PACRG: variants seen among roughly 807,000 people sequenced by gnomAD.
PACRG encodes the protein parkin coregulated gene protein.
Under a neutral mutation model 29.7 loss-of-function variants are expected in PACRG, and 29 were observed. That is an observed-to-expected ratio of 0.98 (90% CI 0.73 to 1.33). PACRG has a LOEUF of 1.33. Ranked by LOEUF, PACRG falls within the 40% of genes most tolerant of loss-of-function variation. PACRG has a pLI of 0.00. For missense variants in PACRG, 279 were observed against 316.2 expected (o/e 0.88, Z 0.89); for synonymous variants, 116 against 118.7 (o/e 0.98, Z 0.15).
intron 4 of PACRG, among the ~76,000 whole-genome samples, chr6:163,231,077 CA>C (rs1192037651): frequency 6.6e-6 from 1 of 152,190 alleles, no homozygotes; most frequent in Admixed American, 6.5e-5. Context: ...GTGGAGACCC[CA>C]AACAGGGGCT....
intron 4 of PACRG, chr6:163,191,090 A>G: frequency 2.5e-6 from 1 of 402,066 alleles, no homozygotes; most frequent in Non-Finnish European, 4.9e-6. Flanking sequence ...TGTTACTTAG[A>G]TTCAAGTTAA....
At chr6:163,303,303 G>A (rs975935306) in intron 4 of PACRG, among the ~76,000 whole-genome samples, 1 of 152,010 alleles carries the variant, frequency 6.6e-6, no homozygotes, top group Admixed American at 6.5e-5. Context: ...TAGCCTGGGT[G>A]ACAGCGTGAG....
chr6:163,073,602 A>G (rs552173365), intron 3 of PACRG, among the ~76,000 whole-genome samples: 13 of 152,324 alleles, frequency 8.5e-5, no homozygotes, highest in African/African-American at 3.1e-4. Flanking sequence ...CAAGTTATAA[A>G]CCTTTTGCAT....
Position 162,814,218 on chromosome 6 carries a change from T to C in PACRG, c.228T>C (p.Tyr76=). The change falls in exon 2 of 5, where the codon TAT becomes TAC. Residue 76 remains tyrosine (Y), a synonymous_variant. Transcript: ENST00000366888. The part of the protein sequence containing the change: ...PTKPTAFRKF[Y]ERGDFPIALE... ...AGCCCACAGCATTTCGAAAATTCTATGAGCGAGGTGACTTCCCAATTGCCC... is the reference window on the plus strand; with the variant it reads ...AGCCCACAGCATTTCGAAAATTCTACGAGCGAGGTGACTTCCCAATTGCCC... The C allele has an allele frequency of 1.2e-6, 2 of 1,613,988 alleles. No individual in the cohort carries two copies. The highest frequency in any genetic ancestry group is 1.7e-6 in the Non-Finnish European group (2 of 1,179,938).
At chr6:163,259,788 G>T (rs1218906777) in intron 4 of PACRG, among the ~76,000 whole-genome samples, 1 of 152,054 alleles carries the variant, frequency 6.6e-6, no homozygotes, top group Non-Finnish European at 1.5e-5. Flanking sequence ...CCCTTTCCTT[G>T]CCTTCTCCAG....
At chr6:163,202,334 G>T (rs1780734745) in intron 4 of PACRG, among the ~76,000 whole-genome samples, 1 of 151,840 alleles carries the variant, frequency 6.6e-6, no homozygotes, top group Admixed American at 6.5e-5. Context: ...TGCCTTTGCT[G>T]CTATGAAATA....
chr6:162,899,558 T>C (rs1795409167), intron 2 of PACRG, among the ~76,000 whole-genome samples: 1 of 152,178 alleles, frequency 6.6e-6, no homozygotes, highest in South Asian at 2.1e-4. Context: ...GGCAGGAAGC[T>C]GTCCTTCCAT....
chr6:162,756,066 AT>A (rs1781893945), intron 1 of PACRG, among the ~76,000 whole-genome samples: 1 of 152,144 alleles, frequency 6.6e-6, no homozygotes, highest in Non-Finnish European at 1.5e-5. Flanking sequence ...GTGGCCTAAC[AT>A]GGTCTATCCT....
In PACRG at chr6:162,728,071, C is replaced by T. The variant is rs1779413112; in HGVS notation, c.-165C>T. On this transcript the variant is annotated 5_prime_UTR_variant, in exon 1 of 5. Transcript: ENST00000366888. ...CGCCCCTAGGGTCCAGCTCCCTTCA[C>T]CTAGGAGCTGCCAAACATCTGGATC... 3 of 840,842 alleles carry T rather than the reference C, an allele frequency of 3.6e-6. No homozygotes were observed. Among genetic ancestry groups the T allele is most frequent in the Non-Finnish European group, 5.6e-6 (3 of 532,302 alleles). The allele number at this position is 840,842 out of a possible 1,614,324, so 52.1% of individuals were successfully genotyped here. A position where few individuals can be genotyped will look rare whatever the true frequency, so the allele number is the denominator to read the frequency against.
chr6:163,137,262 T>A (rs1816972622), intron 4 of PACRG, among the ~76,000 whole-genome samples: 1 of 152,096 alleles, frequency 6.6e-6, no homozygotes, highest in Non-Finnish European at 1.5e-5. Context: ...ACTTTGGAGA[T>A]GAATTTAAAT....
chr6:162,966,276 A>G (rs575442525), intron 2 of PACRG, among the ~76,000 whole-genome samples: 1 of 152,292 alleles, frequency 6.6e-6, no homozygotes, highest in Non-Finnish European at 1.5e-5. Context: ...GCCCCATGGC[A>G]CTTGGTGCCT....
At chr6:163,292,706 G>A (rs1784658649) in intron 4 of PACRG, among the ~76,000 whole-genome samples, 1 of 152,088 alleles carries the variant, frequency 6.6e-6, no homozygotes, top group African/African-American at 2.4e-5. Context: ...TTACAGGTGT[G>A]AGCCACCATG....
At chr6:162,917,889 G>A (rs947134542) in intron 2 of PACRG, among the ~76,000 whole-genome samples, 3 of 152,152 alleles carry the variant, frequency 2.0e-5, no homozygotes, top group African/African-American at 7.2e-5. Flanking sequence ...TTTCACTCAT[G>A]TCTATGTCAT....
chr6:162,836,115 T>C (rs1789200711), intron 2 of PACRG, among the ~76,000 whole-genome samples: 1 of 152,178 alleles, frequency 6.6e-6, no homozygotes. Flanking sequence ...ATGATTTTTA[T>C]ATATTTTTTA....
chr6:162,792,626 C>A (rs187582874), intron 1 of PACRG, among the ~76,000 whole-genome samples: 2 of 152,158 alleles, frequency 1.3e-5, no homozygotes, highest in East Asian at 3.9e-4. Flanking sequence ...GTCTCTAGTC[C>A]CAGTGTTATA....
upstream of PACRG, chr6:162,727,822 G>A: frequency 1.4e-6 from 1 of 734,386 alleles, no homozygotes; most frequent in Non-Finnish European, 2.2e-6. Context: ...CGGAGGGCGC[G>A]GCCCAGGGCC....
chr6:162,737,230 A>G (rs976775289), intron 1 of PACRG, among the ~76,000 whole-genome samples: 4 of 152,076 alleles, frequency 2.6e-5, no homozygotes, highest in African/African-American at 9.7e-5. Flanking sequence ...GCCAGTGTTG[A>G]GGGTCAGGAT....
chr6:162,997,572 C>A, intron 2 of PACRG: 1 of 332,964 alleles, frequency 3.0e-6, no homozygotes, highest in Non-Finnish European at 5.9e-6. Context: ...TAACAGACTT[C>A]ATAAAAGAGG....
chr6:163,243,849 A>C (rs1449189333), intron 4 of PACRG, among the ~76,000 whole-genome samples: 2 of 126,256 alleles, frequency 1.6e-5, no homozygotes, highest in Non-Finnish European at 3.2e-5. Context: ...CCAGCTGCTG[A>C]GACTTAGTAA....
Sources: allele counts gnomAD v4.1 joint callset (sites outside exome capture counted in the v4.1 genomes callset), GRCh38; gene constraint gnomAD v4.1.1; transcripts MANE v1.5; gene names NCBI Gene and HGNC (gene_info 2026-07-23, HGNC 2026-07-21).